The following WWC2 variants were observed in gnomAD, a reference collection of about 807,000 sequenced individuals.
WWC2 encodes WW and C2 domain containing 2, also known as protein WWC2.
In WWC2, 101 loss-of-function variants were observed where a neutral mutation model predicts 138.5. That is an observed-to-expected ratio of 0.73 (90% confidence interval 0.62 to 0.86). The LOEUF (loss-of-function observed/expected upper bound fraction) is 0.86, where lower values mean the gene tolerates loss of function less well. Among genes scored for constraint, WWC2 ranks in the 40% least tolerant of loss-of-function variants. The pLI is 0.00. For synonymous variants in WWC2, 558 were observed against 538.4 expected (o/e 1.04, Z -0.50); for missense variants, 1,420 against 1,419.4 (o/e 1.00, Z -0.01).
At chr4:183,201,613 C>T (rs1379208191) in intron 2 of WWC2, among the ~76,000 whole-genome samples, 1 of 152,194 alleles carries the variant, frequency 6.6e-6, no homozygotes, top group Non-Finnish European at 1.5e-5. Flanking sequence ...GTCAGATGCC[C>T]TCTGACTTAT....
At position 183,188,801 on chromosome 4, in the gene WWC2, C is replaced by T. The variant is rs746650611; in HGVS notation, c.132-4798C>T. On this transcript the variant is annotated intron_variant, in intron 1 of 22. Transcript: ENST00000403733. ...CTGGGATTATAGGCATGTGCCACCA[C>T]GCCTGGCTAATTTTTGTATTTTTAG... Among the ~76,000 whole-genome samples, 4 of 152,012 alleles carry T rather than the reference C, an allele frequency of 2.6e-5. No homozygotes were observed. The East Asian group carries it at 5.9e-4, about 23-fold the overall frequency.
In WWC2 at chr4:183,269,054, T is replaced by C. The variant is rs1737606135; in HGVS notation, c.2291T>C (p.Ile764Thr). The change falls in exon 15 of 23, where the codon ATT becomes ACT. Residue 764 changes from isoleucine to threonine, a missense_variant. Coordinates refer to ENST00000403733, the MANE Select transcript of WWC2 (RefSeq NM_024949.6). The stretch of plus-strand genomic sequence containing the variant: ...AAAGTTCATCCGCCCACAGAATCCA[T>C]TTTATTCAATGATGTGTTCAGAGTC... ...RTKVHPPTESILFNDVFRVAI... is the reference protein window; with the variant it reads ...RTKVHPPTESTLFNDVFRVAI... The C allele has an allele frequency of 1.9e-6, 3 of 1,613,978 alleles. No individual in the cohort carries two copies. The highest frequency in any genetic ancestry group is 2.5e-6 in the Non-Finnish European group (3 of 1,179,892).
chr4:183,183,332 G>A (rs1257783423), intron 1 of WWC2, among the ~76,000 whole-genome samples: 2 of 151,938 alleles, frequency 1.3e-5, no homozygotes, highest in Non-Finnish European at 2.9e-5. Flanking sequence ...TTCCCTAACA[G>A]TCTCCCTTCC....
intron 2 of WWC2, among the ~76,000 whole-genome samples, chr4:183,199,867 C>A (rs1404966787): frequency 6.6e-6 from 1 of 152,096 alleles, no homozygotes; most frequent in African/African-American, 2.4e-5. Flanking sequence ...TAGAAAACAG[C>A]AAATTATATT....
In WWC2 at chr4:183,319,521, C is replaced by T. The variant is rs750082273; in HGVS notation, c.*3792C>T. ...CCTACCAAATCCAGTGTTGAGCAAG[C>T]GTCTCCTGAACAGCAGACGCTTGTC... is the stretch of plus-strand genomic sequence containing the variant. On this transcript the variant is annotated 3_prime_UTR_variant, in exon 23 of 23. Coordinates refer to ENST00000403733, the MANE Select transcript of WWC2 (RefSeq NM_024949.6). The T allele has an allele frequency of 5.8e-6, 9 of 1,553,774 alleles. No individual in the cohort carries two copies. The highest frequency in any genetic ancestry group is 1.7e-4 in the Middle Eastern group (1 of 5,786).
intron 16 of WWC2, among the ~76,000 whole-genome samples, chr4:183,276,780 T>C (rs957284406): frequency 6.6e-6 from 1 of 152,128 alleles, no homozygotes; most frequent in South Asian, 2.1e-4. Flanking sequence ...TCTTTTAGTA[T>C]AGACCTGTTA....
intron 17 of WWC2, among the ~76,000 whole-genome samples, chr4:183,281,602 A>G (rs987490940): frequency 6.6e-6 from 1 of 152,218 alleles, no homozygotes; most frequent in Non-Finnish European, 1.5e-5. Flanking sequence ...GTGCATATAC[A>G]TATATAGCAT....
chr4:183,139,324 C>CA (rs1733219592), intron 1 of WWC2, among the ~76,000 whole-genome samples: 1 of 152,162 alleles, frequency 6.6e-6, no homozygotes, highest in Non-Finnish European at 1.5e-5. Flanking sequence ...CAGAAATCTC[C>CA]AGTTCACATT....
chr4:183,272,220 G>T (rs1208631366), intron 16 of WWC2, among the ~76,000 whole-genome samples: 2 of 152,206 alleles, frequency 1.3e-5, no homozygotes, highest in African/African-American at 4.8e-5. Flanking sequence ...TCTACTGTGT[G>T]TGAGAAACTA....
intron 1 of WWC2, among the ~76,000 whole-genome samples, chr4:183,119,159 G>A (rs569588113): frequency 6.6e-6 from 1 of 152,240 alleles, no homozygotes; most frequent in East Asian, 1.9e-4. Flanking sequence ...TGGTAGTGAA[G>A]GACACAGGTT....
chr4:183,114,095 C>G (rs1475524662), intron 1 of WWC2, among the ~76,000 whole-genome samples: 2 of 151,982 alleles, frequency 1.3e-5, no homozygotes, highest in Admixed American at 6.6e-5. Flanking sequence ...TTTGTAATTC[C>G]TAGTTGGAGG....
chr4:183,269,024 G>T lies in WWC2; in HGVS notation c.2261G>T (p.Arg754Leu). 1.2e-6 allele frequency: 2 copies of T among 1,613,590 alleles called. No homozygotes were observed. Among genetic ancestry groups the T allele is most frequent in the African/African-American group, 1.3e-5 (1 of 74,948 alleles). The change falls in exon 15 of 23, where the codon CGC (arginine) becomes CTC (leucine). Residue 754 changes from arginine (R) to leucine (L), a missense_variant. Coordinates refer to ENST00000403733, the MANE Select transcript of WWC2 (RefSeq NM_024949.6). ...TCAACTGATGTCAGCTGTCTGTTTC[G>T]CACAAAAGTTCATCCGCCCACAGAA... ...PSSTDVSCLF[R>L]TKVHPPTESI...
At chr4:183,189,330 G>A (rs748107212) in intron 1 of WWC2, among the ~76,000 whole-genome samples, 2 of 151,726 alleles carry the variant, frequency 1.3e-5, no homozygotes, top group Non-Finnish European at 2.9e-5. Flanking sequence ...CCAGCTACTC[G>A]AGAGGCTGAG....
intron 17 of WWC2, among the ~76,000 whole-genome samples, chr4:183,282,036 T>C (rs1469033468): frequency 1.3e-5 from 2 of 152,280 alleles, no homozygotes; most frequent in East Asian, 3.9e-4. Context: ...AGCTGAACAT[T>C]TAGTTATCAA....
intron 1 of WWC2, among the ~76,000 whole-genome samples, chr4:183,100,208 G>C (rs1743129789): frequency 6.6e-6 from 1 of 152,368 alleles, no homozygotes; most frequent in East Asian, 1.9e-4. Flanking sequence ...CGCGCGTTTG[G>C]GGGTTTCGCT....
At position 183,181,312 on chromosome 4, in the gene WWC2, G is replaced by C. The variant is rs572183831; in HGVS notation, c.132-12287G>C. 1.1e-4 allele frequency among the ~76,000 whole-genome samples: 16 copies of C among 152,264 alleles called. 2 individuals carry two copies. The South Asian group carries it at 2.3e-3, about 22-fold the overall frequency. On this transcript the variant is annotated intron_variant, in intron 1 of 22. Transcript: ENST00000403733. ...TTTTTCATTGTATTTAGTGCAATAC[G>C]TAAACCTTTAGTACACTGTGGGACC... is the stretch of plus-strand genomic sequence containing the variant.
At chr4:183,281,154 C>CTT (rs35130484) in intron 17 of WWC2, 125 of 407,668 alleles carry the variant, frequency 3.1e-4, no homozygotes, top group South Asian at 1.5e-3. Context: ...TTTTCTGAGC[C>CTT]TTTTTTTTTT....
intron 21 of WWC2, among the ~76,000 whole-genome samples, chr4:183,296,661 C>T (rs926084893): frequency 2.0e-5 from 3 of 152,038 alleles, no homozygotes; most frequent in African/African-American, 4.8e-5. Flanking sequence ...AGGCCAGTCA[C>T]GGTGGCTCAC....
intron 1 of WWC2, among the ~76,000 whole-genome samples, chr4:183,144,825 G>A (rs571191427): frequency 6.6e-5 from 10 of 152,328 alleles, no homozygotes; most frequent in African/African-American, 2.4e-4. Context: ...AGAAGATAAT[G>A]TCGTAAGCAA....
Sources: allele counts gnomAD v4.1 joint callset (sites outside exome capture counted in the v4.1 genomes callset), GRCh38; gene constraint gnomAD v4.1.1; transcripts MANE v1.5; gene names NCBI Gene and HGNC (gene_info 2026-07-23, HGNC 2026-07-21).